Variants in PLCG1 observed in about 807,000 individuals in gnomAD.
PLCG1 encodes 1-phosphatidylinositol 4,5-bisphosphate phosphodiesterase gamma-1.
In PLCG1, 71 loss-of-function variants were observed where a neutral mutation model predicts 177.8. That is an observed-to-expected ratio of 0.40 (90% CI 0.33 to 0.49). The LOEUF is 0.49. Ranked by LOEUF, PLCG1 falls within the 20% of genes least tolerant of loss-of-function variation. The probability of loss-of-function intolerance (pLI) is 0.72; values close to 1 mark genes in which losing one functional copy is unlikely to be tolerated. For missense variants in PLCG1, 1,281 were observed against 1,709.0 expected (o/e 0.75, Z 4.42); for synonymous variants, 658 against 647.9 (o/e 1.02, Z -0.24).
chr20:41,176,725 G>C lies in PLCG1; in HGVS notation c.*2216G>C, dbSNP rs1202253973. On this transcript the variant is annotated 3_prime_UTR_variant, in exon 32 of 32. Transcript: ENST00000685551. The stretch of plus-strand genomic sequence containing the variant: ...GATTGTTCTTCCTAGTGGAAAACGT[G>C]CCAACTCTCAAGCAAATTTAAAGAT... 1.3e-5 allele frequency: 2 copies of C among 152,228 alleles called. No homozygotes were observed. The highest frequency in any genetic ancestry group is 2.9e-5 in the Non-Finnish European group (2 of 68,054). The allele number at this position is 152,228 out of a possible 1,614,324, so 9.4% of individuals were successfully genotyped here. A position where few individuals can be genotyped will look rare whatever the true frequency, so the allele number is the denominator to read the frequency against.
Position 41,166,875 on chromosome 20 carries a change from T to C in PLCG1, c.2301+16T>C. 6.2e-7 allele frequency: 1 copy of C among 1,611,346 alleles called. No homozygotes were observed. The highest frequency in any genetic ancestry group is 1.3e-5 in the African/African-American group (1 of 74,966). On this transcript the variant is annotated intron_variant, in intron 19 of 31. Transcript: ENST00000685551. This position sits in a 1 kb window ranked among gnomAD's most constrained non-coding sequence, Gnocchi z 8.6. ...TGGCACAGCTGTGAGGGGGCTGTGG[T>C]AGACGGGGCATGGCAGGGGAGGCAG...
Position 41,160,080 on chromosome 20 carries a change from C to G in PLCG1, c.465-26C>G, listed in dbSNP as rs376592656. The G allele has an allele frequency of 2.0e-5, 33 of 1,613,214 alleles. No individual in the cohort carries two copies. In the African/African-American group the frequency reaches 3.9e-4, roughly 19 times the overall value. On this transcript the variant is annotated intron_variant, in intron 3 of 31. Transcript: ENST00000685551. The surrounding 1 kb of genome is among the most constrained non-coding windows in gnomAD (Gnocchi z 5.5). ...GGCCTGACTGTAGATGGAGAAGTGG[C>G]CCTCACCTCAGGCTTCTCTCTCCAG...
Position 41,160,298 on chromosome 20 carries a change from C to T in PLCG1, c.512+145C>T, listed in dbSNP as rs544413565. ...GGAGGGTGGGCAGAAGGTTCTGCCA[C>T]GTGTAGCTTTCTGCACAAAGTCCTC... On this transcript the variant is annotated intron_variant, in intron 4 of 31. Coordinates refer to ENST00000685551, the MANE Select transcript of PLCG1 (RefSeq NM_002660.3). The surrounding 1 kb of genome is among the most constrained non-coding windows in gnomAD (Gnocchi z 5.5). 8.4e-5 allele frequency: 61 copies of T among 730,176 alleles called. No individual in the cohort carries two copies. The highest frequency in any genetic ancestry group is 5.2e-4 in the African/African-American group (30 of 57,662). 45.2% of individuals were successfully genotyped at this position (730,176 alleles called of 1,614,324 possible).
rs1315032706 is a variant in PLCG1, at chr20:41,148,453, T to C, written c.217+10595T>C. 6.6e-6 allele frequency among the ~76,000 whole-genome samples: 1 copy of C among 151,842 alleles called. No homozygotes were observed. On this transcript the variant is annotated intron_variant, in intron 1 of 31. Transcript: ENST00000685551. This position sits in a 1 kb window ranked among gnomAD's most constrained non-coding sequence, Gnocchi z 4.3. ...TCTTCTCCCAACCCATTCCATTTCC[T>C]CTCCCTTGTGAGAGGGCTCTGCAGA...
In PLCG1 at chr20:41,175,448, C is replaced by CAGTT. The variant is rs897775579; in HGVS notation, c.*942_*945dup. 3 of 152,268 alleles carry CAGTT rather than the reference C, an allele frequency of 2.0e-5. No homozygotes were observed. Among genetic ancestry groups the CAGTT allele is most frequent in the Non-Finnish European group, 4.4e-5 (3 of 68,038 alleles). 9.4% of individuals were successfully genotyped at this position (152,268 alleles called of 1,614,324 possible). On this transcript the variant is annotated 3_prime_UTR_variant, in exon 32 of 32. Transcript: ENST00000685551. ...GACTCCTGGGTGGGTGGGGTACAGG[C>CAGTT]AGTTAGGTGCTGAATGAAGCTGCCA... is the stretch of plus-strand genomic sequence containing the variant.
At position 41,170,207 on chromosome 20, in the gene PLCG1, CAGG is replaced by C. The variant is rs754611935; in HGVS notation, c.2752_2754del (p.Glu918del). 2.5e-6 allele frequency: 4 copies of C among 1,614,068 alleles called. No homozygotes were observed. The stretch of plus-strand genomic sequence containing the variant: ...GTCCCTGGATGTTGCTGCCGACTCA[CAGG>C]AGGAGCTGCAGGACTGGGTGAAAAA... On this transcript the variant is annotated inframe_deletion, in exon 24 of 32. Transcript: ENST00000685551.
intron 1 of PLCG1, among the ~76,000 whole-genome samples, chr20:41,140,573 A>G (rs547683208): frequency 1.3e-5 from 2 of 152,282 alleles, no homozygotes; most frequent in African/African-American, 4.8e-5. Context: ...ACTGATATGT[A>G]AGACCTTCTT....
At position 41,165,993 on chromosome 20, in the gene PLCG1, C is replaced by A. The variant is rs35480755; in HGVS notation, c.1799+167C>A. The A allele has an allele frequency of 1.2e-4, 80 of 679,730 alleles. No homozygotes were observed. Among genetic ancestry groups the A allele is most frequent in the South Asian group, 4.0e-4 (21 of 52,250 alleles). 42.1% of individuals were successfully genotyped at this position (679,730 alleles called of 1,614,324 possible). ...ACACACACACACTCTCTGTCTCACC[C>A]CCCCCCCATACCCCTCCCTTTTCGG... On this transcript the variant is annotated intron_variant, in intron 16 of 31. Transcript: ENST00000685551. The surrounding 1 kb of genome is among the most constrained non-coding windows in gnomAD (Gnocchi z 6.6).
chr20:41,143,807 A>G (rs2034906901), intron 1 of PLCG1, among the ~76,000 whole-genome samples: 2 of 152,226 alleles, frequency 1.3e-5, no homozygotes, highest in Admixed American at 6.5e-5. Flanking sequence ...ACAGAGCTGT[A>G]TATTAATAAT....
chr20:41,169,778 G>C (rs2076146), intron 23 of PLCG1: 304,602 of 568,528 alleles, frequency 0.54, 86,328 homozygotes, highest in East Asian at 0.83. Flanking sequence ...AGTTGATGCT[G>C]CTGGTTGGCT....
rs1240153817 is a variant in PLCG1, at chr20:41,172,440, T to C, written c.2925T>C (p.Ala975=). 1.2e-6 allele frequency: 2 copies of C among 1,614,150 alleles called. No homozygotes were observed. Among genetic ancestry groups the C allele is most frequent in the East Asian group, 2.2e-5 (1 of 44,880 alleles). ...FDEEKIGTER[A]CYRDMSSFPE... ...GCCCAGAGATTGGCACAGAACGTGC[T>C]TGCTACCGGGACATGTCATCCTTCC... Residue 975 remains alanine (A), a synonymous_variant, in exon 26 of 32, where the codon GCT becomes GCC. Transcript: ENST00000685551. This position sits in a 1 kb window ranked among gnomAD's most constrained non-coding sequence, Gnocchi z 7.0.
chr20:41,164,386 C>CT lies in PLCG1; in HGVS notation c.1217+188dup, dbSNP rs1279209738. ...TTGAGCTGTTGCTTCCCAAGTTACA[C>CT]TTTCTGTTTCCTACGTGTTGGGCCC... On this transcript the variant is annotated intron_variant, in intron 12 of 31. Transcript: ENST00000685551. This position sits in a 1 kb window ranked among gnomAD's most constrained non-coding sequence, Gnocchi z 6.4. 1.3e-5 allele frequency among the ~76,000 whole-genome samples: 2 copies of CT among 152,056 alleles called. No homozygotes were observed. The highest frequency in any genetic ancestry group is 1.3e-4 in the Admixed American group (2 of 15,268).
chr20:41,171,977 G>C (rs550515383), intron 24 of PLCG1, among the ~76,000 whole-genome samples: 44 of 152,358 alleles, frequency 2.9e-4, no homozygotes, highest in African/African-American at 9.9e-4. Flanking sequence ...GGGCAAATGT[G>C]TCCTCTGGGA....
rs2034994969 is a variant in PLCG1, at chr20:41,146,374, C to G, written c.217+8516C>G. On this transcript the variant is annotated intron_variant, in intron 1 of 31. Transcript: ENST00000685551. This position sits in a 1 kb window ranked among gnomAD's most constrained non-coding sequence, Gnocchi z 6.3. Reference sequence around the variant, plus strand: ...GGCCAAGATGGAATCGCTTTTCTCCCTGTAGCAGCCCATCCTACCCCCTGG... The same window carrying G: ...GGCCAAGATGGAATCGCTTTTCTCCGTGTAGCAGCCCATCCTACCCCCTGG... Among the ~76,000 whole-genome samples the G allele has an allele frequency of 6.6e-6, 1 of 152,228 alleles. No homozygotes were observed. Among genetic ancestry groups the G allele is most frequent in the Non-Finnish European group, 1.5e-5 (1 of 68,042 alleles).
Position 41,163,191 on chromosome 20 carries a change from C to G in PLCG1, c.717-12C>G, listed in dbSNP as rs1261293006. On this transcript the variant is annotated splice_polypyrimidine_tract_variant and intron_variant, in intron 7 of 31. Coordinates refer to ENST00000685551, the MANE Select transcript of PLCG1 (RefSeq NM_002660.3). The surrounding 1 kb of genome is among the most constrained non-coding windows in gnomAD (Gnocchi z 5.2). ...TTGACCATACTAGCTAGCTTACCTT[C>G]TCTCCCTGCAGGGCTGGGGAGCGGC... 3.9e-6 allele frequency: 6 copies of G among 1,544,742 alleles called. No homozygotes were observed. In the Admixed American group the frequency reaches 8.0e-5, roughly 21 times the overall value.
rs2036006748 is a variant in PLCG1, at chr20:41,174,603, T to C, written c.*94T>C. 2 of 1,128,658 alleles carry C rather than the reference T, an allele frequency of 1.8e-6. No individual in the cohort carries two copies. The highest frequency in any genetic ancestry group is 1.3e-6 in the Non-Finnish European group (1 of 763,860). The allele number at this position is 1,128,658 out of a possible 1,614,324, so 69.9% of individuals were successfully genotyped here. On this transcript the variant is annotated 3_prime_UTR_variant, in exon 32 of 32. Transcript: ENST00000685551. This position sits in a 1 kb window ranked among gnomAD's most constrained non-coding sequence, Gnocchi z 5.8. Reference sequence around the variant, plus strand: ...TTGGAAGCAGCCCCCTGTGGCGGCCTTCCGGGTCTCGCAGCCTGAAGCCTG... The same window carrying C: ...TTGGAAGCAGCCCCCTGTGGCGGCCCTCCGGGTCTCGCAGCCTGAAGCCTG...
intron 1 of PLCG1, among the ~76,000 whole-genome samples, chr20:41,145,465 A>G (rs916514229): frequency 5.3e-5 from 8 of 152,030 alleles, no homozygotes; most frequent in Non-Finnish European, 8.8e-5. Flanking sequence ...CCTAATTGTC[A>G]TCTCTGCCAT....
In PLCG1 at chr20:41,168,823, C is replaced by G; in HGVS notation, c.2436C>G (p.Phe812Leu). The change falls in exon 21 of 32, where the codon TTC becomes TTG. Residue 812 changes from phenylalanine to leucine, a missense_variant. Coordinates refer to ENST00000685551, the MANE Select transcript of PLCG1 (RefSeq NM_002660.3). ...YKAQREDELT[F>L]IKSAIIQNVE... ...CCCAGAGGGAGGACGAGCTGACCTT[C>G]ATCAAGAGCGCCATCATCCAGAATG... The G allele has an allele frequency of 1.2e-6, 2 of 1,612,946 alleles. No homozygotes were observed. The highest frequency in any genetic ancestry group is 1.7e-6 in the Non-Finnish European group (2 of 1,179,552).
chr20:41,169,021 CCCT>C (rs1568753826), intron 21 of PLCG1, 55 bp from the exon 22 acceptor site: 8 of 1,382,062 alleles, frequency 5.8e-6, no homozygotes, highest in Non-Finnish European at 4.1e-6. Flanking sequence ...CCAAAGGATA[CCCT>C]CCTCATGGGA....
Sources: allele counts gnomAD v4.1 joint callset (sites outside exome capture counted in the v4.1 genomes callset), GRCh38; gene constraint gnomAD v4.1.1; non-coding constraint Gnocchi (gnomAD v3.1); transcripts MANE v1.5; gene names NCBI Gene and HGNC (gene_info 2026-07-23, HGNC 2026-07-21).